The following KIF18A variants were observed in gnomAD, a reference collection of about 807,000 sequenced individuals.
KIF18A encodes kinesin family member 18A.
A neutral mutation model predicts 103.3 loss-of-function variants in KIF18A; 67 were observed. The ratio of observed to expected loss-of-function variants is 0.65; its 90% CI spans 0.53 to 0.79. The LOEUF is 0.79. Ranked by LOEUF, KIF18A falls within the 30% of genes least tolerant of loss-of-function variation. The pLI, the probability that KIF18A is intolerant of heterozygous loss-of-function variation, is 0.00. For synonymous variants in KIF18A, 367 were observed against 355.5 expected (o/e 1.03, Z -0.36); for missense variants, 1,032 against 1,062.5 (o/e 0.97, Z 0.40).
chr11:28,097,721 A>G lies in KIF18A; in HGVS notation c.227T>C (p.Phe76Ser). 6.2e-7 allele frequency: 1 copy of G among 1,610,484 alleles called. No individual in the cohort carries two copies. The highest frequency in any genetic ancestry group is 8.5e-7 in the Non-Finnish European group (1 of 1,177,228). The change falls in exon 2 of 17, where the codon TTT becomes TCT. Residue 76 changes from phenylalanine (F) to serine (S), a missense_variant. Transcript: ENST00000263181. ...TGACGTTTCATCAAAAACAGCATCAAATACAAATTTAAGATCCTTATTTTG... is the reference window on the plus strand; with the variant it reads ...TGACGTTTCATCAAAAACAGCATCAGATACAAATTTAAGATCCTTATTTTG... ...KKQNKDLKFV[F>S]DAVFDETSTQ...
At chr11:28,084,373 G>GTACCA (rs1851200601) in intron 7 of KIF18A, 1 of 156,932 alleles carries the variant, frequency 6.4e-6, no homozygotes, top group Non-Finnish European at 1.4e-5. Context: ...AAGAGGTTAG[G>GTACCA]GAGAAAGCCA....
chr11:28,067,546 T>C (rs548697747), intron 11 of KIF18A, among the ~76,000 whole-genome samples: 37 of 152,284 alleles, frequency 2.4e-4, no homozygotes, highest in African/African-American at 8.7e-4. Context: ...TCATAATGCA[T>C]TGACTAGTAT....
Position 28,088,517 on chromosome 11 carries a change from T to C in KIF18A, c.897+7A>G. 1 of 1,602,786 alleles carries C rather than the reference T, an allele frequency of 6.2e-7. No homozygotes were observed. The highest frequency in any genetic ancestry group is 8.5e-7 in the Non-Finnish European group (1 of 1,169,990). ...AACTATTTAACAAATAAACATATAA[T>C]GCCTACCTTTGAATCTGCTAAGGCA... On this transcript the variant is annotated splice_region_variant and intron_variant, in intron 6 of 16. Coordinates refer to ENST00000263181, the MANE Select transcript of KIF18A (RefSeq NM_031217.4).
chr11:28,105,884 T>C (rs1851497980), intron 1 of KIF18A, among the ~76,000 whole-genome samples: 1 of 152,226 alleles, frequency 6.6e-6, no homozygotes, highest in African/African-American at 2.4e-5. Flanking sequence ...TTGACATTCG[T>C]CATTGCATTC....
chr11:28,045,099 T>C (rs1222097759), intron 13 of KIF18A, among the ~76,000 whole-genome samples: 1 of 152,044 alleles, frequency 6.6e-6, no homozygotes, highest in Non-Finnish European at 1.5e-5. Context: ...TGATGAATGG[T>C]AGTGTAATAA....
At chr11:28,058,733 A>G (rs1372127046) in intron 13 of KIF18A, among the ~76,000 whole-genome samples, 193 bp downstream of exon 13, 3 of 151,004 alleles carry the variant, frequency 2.0e-5, no homozygotes, top group Admixed American at 2.0e-4. Flanking sequence ...CTAGAGTTAT[A>G]TAGAACATCA....
chr11:28,088,705 T>A lies in KIF18A; in HGVS notation c.716A>T (p.Gln239Leu). ...HAVFQIYLRQ[Q>L]DKTASINQNV... ...TTGATTGATACTTGCTGTTTTGTCTTGTTGTCGCAAGTAAATCTTTTTGAA... is the reference window on the plus strand; with the variant it reads ...TTGATTGATACTTGCTGTTTTGTCTAGTTGTCGCAAGTAAATCTTTTTGAA... Residue 239 changes from glutamine (Q) to leucine (L), a missense_variant, in exon 6 of 17, where the codon CAA becomes CTA. Gln to Leu is a moderately radical substitution (Grantham distance 113). Transcript: ENST00000263181. The A allele has an allele frequency of 6.2e-7, 1 of 1,613,654 alleles. No individual in the cohort carries two copies. Among genetic ancestry groups the A allele is most frequent in the Non-Finnish European group, 8.5e-7 (1 of 1,179,684 alleles).
Position 28,088,577 on chromosome 11 carries a change from T to G in KIF18A, c.844A>C (p.Asn282His). 6.2e-7 allele frequency: 1 copy of G among 1,614,060 alleles called. No individual in the cohort carries two copies. Among genetic ancestry groups the G allele is most frequent in the Non-Finnish European group, 8.5e-7 (1 of 1,179,942 alleles). ...GTRFVEGTNI[N>H]RSLLALGNVI... ...TTCCCAAGAGCTAAAAGTGATCTAT[T>G]AATATTTGTGCCTTCTACAAATCGG... is the stretch of plus-strand genomic sequence containing the variant. Residue 282 changes from asparagine (N) to histidine (H), a missense_variant, in exon 6 of 17, where the codon AAT becomes CAT. Transcript: ENST00000263181.
At chr11:28,027,559 A>T (rs2133484800) in intron 15 of KIF18A, among the ~76,000 whole-genome samples, 1 of 151,984 alleles carries the variant, frequency 6.6e-6, no homozygotes, top group South Asian at 2.1e-4. Context: ...TAGACTTTTA[A>T]AAATTGTGTC....
chr11:28,029,278 C>T (rs1418006923), intron 15 of KIF18A, among the ~76,000 whole-genome samples: 1 of 152,110 alleles, frequency 6.6e-6, no homozygotes, highest in Middle Eastern at 3.2e-3. Context: ...CAAAAATCCT[C>T]AATAAACTAC....
At chr11:28,021,991 C>T (rs535408047) in intron 16 of KIF18A, among the ~76,000 whole-genome samples, 1 of 152,228 alleles carries the variant, frequency 6.6e-6, no homozygotes, top group East Asian at 1.9e-4. Context: ...CAGGAGTTGC[C>T]TTTTTCCCTA....
Position 28,036,590 on chromosome 11 carries a change from G to A in KIF18A, c.2023C>T (p.Pro675Ser), listed in dbSNP as rs773695088. 6.2e-7 allele frequency: 1 copy of A among 1,610,646 alleles called. No individual in the cohort carries two copies. Among genetic ancestry groups the A allele is most frequent in the Admixed American group, 1.7e-5 (1 of 59,644 alleles). The change falls in exon 14 of 17, where the codon CCC becomes TCC. Residue 675 changes from proline to serine, a missense_variant. Pro to Ser is a moderately conservative substitution (Grantham distance 74). Coordinates refer to ENST00000263181, the MANE Select transcript of KIF18A (RefSeq NM_031217.4). ...KRTRRKLMPS[P>S]LKGQHTLKSP... Reference sequence around the variant, plus strand: ...TTTAGAGTATGCTGTCCTTTCAAGGGAGATGGCATTAGTTTTCTCCGAGTT... The same window carrying A: ...TTTAGAGTATGCTGTCCTTTCAAGGAAGATGGCATTAGTTTTCTCCGAGTT...
intron 12 of KIF18A, among the ~76,000 whole-genome samples, 162 bp from the exon 13 acceptor site, chr11:28,059,323 G>T (rs1482985713): frequency 3.9e-5 from 6 of 152,144 alleles, no homozygotes; most frequent in Non-Finnish European, 8.8e-5. Context: ...GCTTCCATAT[G>T]ACCTTGGACA....
chr11:28,106,706 C>G (rs1371933180), intron 1 of KIF18A, among the ~76,000 whole-genome samples: 1 of 152,118 alleles, frequency 6.6e-6, no homozygotes, highest in East Asian at 1.9e-4. Context: ...TGCCCTGCCT[C>G]ACACCTGTAA....
rs1850869253 is a variant in KIF18A at position 28,062,527 on chromosome 11, CA to C, written c.1591-12del. 2 of 1,602,912 alleles carry C rather than the reference CA, an allele frequency of 1.2e-6. No individual in the cohort carries two copies. The highest frequency in any genetic ancestry group is 4.5e-5 in the East Asian group (2 of 44,500). ...ATCTTTCTTGAGTTCCTAGGGCAAACAATACAAAATGTACTTCAGATCACTC... is the reference window on the plus strand; with the variant it reads ...ATCTTTCTTGAGTTCCTAGGGCAAACATACAAAATGTACTTCAGATCACTC... On this transcript the variant is annotated splice_polypyrimidine_tract_variant and intron_variant, in intron 11 of 16. Transcript: ENST00000263181.
chr11:28,071,862 A>G (rs1172508163), intron 10 of KIF18A, among the ~76,000 whole-genome samples: 1 of 152,202 alleles, frequency 6.6e-6, no homozygotes, highest in Non-Finnish European at 1.5e-5. Context: ...CAGGCAGCTA[A>G]TTAAATCATC....
chr11:28,069,448 A>C (rs752923700), intron 10 of KIF18A, 25 bp from the exon 11 acceptor site: 2 of 1,601,286 alleles, frequency 1.2e-6, no homozygotes, highest in African/African-American at 2.7e-5. Flanking sequence ...ATTTAACAGT[A>C]AATCTAATTT....
chr11:28,034,391 T>C (rs1484896159), intron 15 of KIF18A, among the ~76,000 whole-genome samples: 9 of 151,758 alleles, frequency 5.9e-5, no homozygotes, highest in Admixed American at 5.9e-4. Flanking sequence ...CTAAGGTCTG[T>C]TTCAGACTTT....
intron 13 of KIF18A, among the ~76,000 whole-genome samples, chr11:28,048,135 C>T (rs1850662983): frequency 6.6e-6 from 1 of 152,084 alleles, no homozygotes; most frequent in Non-Finnish European, 1.5e-5. Context: ...AAAATGTTCA[C>T]CTTCACCTTC....
Sources: gnomAD v4.1 joint callset for allele counts (sites outside exome capture counted in the v4.1 genomes callset) on GRCh38, gnomAD v4.1.1 for gene constraint, MANE v1.5 for transcripts, NCBI Gene and HGNC (gene_info 2026-07-23, HGNC 2026-07-21) for gene names.